The following SYT14 variants were observed in gnomAD, a reference collection of about 807,000 sequenced individuals.
SYT14 encodes the protein synaptotagmin-14.
SYT14 carries 32 observed loss-of-function variants against 74.2 expected under a neutral mutation model. The observed-to-expected ratio is 0.43, with a 90% CI of 0.33 to 0.58. The LOEUF (loss-of-function observed/expected upper bound fraction) is 0.58, where lower values mean the gene tolerates loss of function less well. Ranked by LOEUF, SYT14 falls within the 20% of genes least tolerant of loss-of-function variation. The pLI is 0.05. For synonymous variants in SYT14, 298 were observed against 337.7 expected (o/e 0.88, Z 1.29); for missense variants, 791 against 981.8 (o/e 0.81, Z 2.60).
intron 4 of SYT14, among the ~76,000 whole-genome samples, chr1:210,018,900 G>A (rs2080243153): frequency 6.6e-6 from 1 of 152,104 alleles, no homozygotes; most frequent in African/African-American, 2.4e-5. Flanking sequence ...CACTTTGGGA[G>A]GCCAAGGCGG....
At chr1:210,101,647 G>A (rs1035800219) in intron 7 of SYT14, among the ~76,000 whole-genome samples, 3 of 151,172 alleles carry the variant, frequency 2.0e-5, no homozygotes, top group Admixed American at 2.0e-4. Context: ...AGAAATAATA[G>A]CAGCTTAAAA....
Position 210,035,792 on chromosome 1 carries a change from T to G in SYT14, c.1312+14538T>G, listed in dbSNP as rs2080647810. Among the ~76,000 whole-genome samples the G allele has an allele frequency of 1.3e-5, 2 of 152,106 alleles. 1 individual carries two copies. The highest frequency in any genetic ancestry group is 4.1e-4 in the South Asian group (2 of 4,830). ...GTCTATTTTTGTACCAGTACCATGCTGTTTTGGTTATTATAGCCTTACAGT... is the reference window on the plus strand; with the variant it reads ...GTCTATTTTTGTACCAGTACCATGCGGTTTTGGTTATTATAGCCTTACAGT... On this transcript the variant is annotated intron_variant, in intron 5 of 9. Coordinates refer to ENST00000637265, the Ensembl canonical transcript of SYT14.
At chr1:210,025,849 A>G (rs1307486461) in intron 5 of SYT14, among the ~76,000 whole-genome samples, 4 of 152,218 alleles carry the variant, frequency 2.6e-5, no homozygotes, top group Non-Finnish European at 5.9e-5. Flanking sequence ...TCACACAGCA[A>G]GATAAAAACT....
At chr1:210,143,048 G>A (rs2082952266) in intron 7 of SYT14, among the ~76,000 whole-genome samples, 1 of 152,120 alleles carries the variant, frequency 6.6e-6, no homozygotes, top group East Asian at 1.9e-4. Flanking sequence ...GATTTGTCAA[G>A]TACTTTTTGC....
Position 209,982,230 on chromosome 1 carries a change from A to T in SYT14, c.-486+29474A>T, listed in dbSNP as rs137973468. 7.8e-3 allele frequency among the ~76,000 whole-genome samples: 1,191 copies of T among 152,162 alleles called. 21 individuals carry two copies. Among genetic ancestry groups the T allele is most frequent in the African/African-American group, 0.027 (1,137 of 41,508 alleles). On this transcript the variant is annotated intron_variant, in intron 2 of 9. Coordinates refer to ENST00000637265, the Ensembl canonical transcript of SYT14. ...GAGTGCAGTGGCGCCATCACAGCTC[A>T]CTGCACCCTTGATCTTTTGGTCTCA... is the stretch of plus-strand genomic sequence containing the variant.
At chr1:210,156,492 A>G (rs1359360970) in intron 8 of SYT14, among the ~76,000 whole-genome samples, 4 of 152,026 alleles carry the variant, frequency 2.6e-5, no homozygotes, top group Non-Finnish European at 5.9e-5. Context: ...CCTGGATGCT[A>G]AGAAGGGAAA....
intron 5 of SYT14, among the ~76,000 whole-genome samples, chr1:210,068,473 A>T (rs573706156): frequency 6.6e-6 from 1 of 151,816 alleles, no homozygotes; most frequent in South Asian, 2.1e-4. Context: ...ATTATACGAG[A>T]TTAAGAGTAT....
intron 5 of SYT14, among the ~76,000 whole-genome samples, chr1:210,037,535 T>C (rs1558146063): frequency 6.6e-6 from 1 of 151,540 alleles, no homozygotes; most frequent in African/African-American, 2.4e-5. Flanking sequence ...TTCTGTTTTT[T>C]TTTTTTTTAT....
intron 5 of SYT14, among the ~76,000 whole-genome samples, chr1:210,059,686 A>G (rs186112637): frequency 1.9e-4 from 29 of 152,166 alleles, no homozygotes; most frequent in Admixed American, 1.6e-3. Context: ...CTAGGGGTCC[A>G]TACTCTTCTC....
intron 5 of SYT14, among the ~76,000 whole-genome samples, chr1:210,056,990 G>A (rs765919106): frequency 3.6e-4 from 55 of 151,814 alleles, no homozygotes; most frequent in Non-Finnish European, 6.5e-4. Context: ...GATTACAGGC[G>A]CACACCACCA....
At chr1:210,005,029 G>A (rs912829708) in intron 2 of SYT14, among the ~76,000 whole-genome samples, 2 of 151,938 alleles carry the variant, frequency 1.3e-5, no homozygotes, top group African/African-American at 4.8e-5. Context: ...ACTGAACTAT[G>A]CCGGACTCAT....
intron 2 of SYT14, among the ~76,000 whole-genome samples, chr1:209,989,136 G>A (rs867182217): frequency 4.6e-5 from 7 of 152,084 alleles, no homozygotes; most frequent in African/African-American, 1.2e-4. Flanking sequence ...TGTTTCATAC[G>A]CTCTGTCTTG....
chr1:209,975,160 A>T (rs913675361), intron 2 of SYT14, among the ~76,000 whole-genome samples: 2 of 152,220 alleles, frequency 1.3e-5, no homozygotes, highest in Non-Finnish European at 1.5e-5. Flanking sequence ...ATATGCAAAC[A>T]GGGACAATTT....
chr1:210,093,984 A>G (rs1247627906), intron 5 of SYT14, among the ~76,000 whole-genome samples: 1 of 152,128 alleles, frequency 6.6e-6, no homozygotes, highest in Non-Finnish European at 1.5e-5. Flanking sequence ...ATCATGGGGT[A>G]ATAGATGAAG....
intron 5 of SYT14, among the ~76,000 whole-genome samples, chr1:210,063,697 T>A (rs1290230587): frequency 6.6e-6 from 1 of 151,936 alleles, no homozygotes; most frequent in Admixed American, 6.6e-5. Flanking sequence ...CAGATACTTC[T>A]CTTATGCCTT....
At chr1:209,958,200 G>A (rs1161291868) in intron 2 of SYT14, among the ~76,000 whole-genome samples, 1 of 152,034 alleles carries the variant, frequency 6.6e-6, no homozygotes, top group Admixed American at 6.6e-5. Context: ...TGCCACCTCT[G>A]CTACCTCTGT....
intron 1 of SYT14, among the ~76,000 whole-genome samples, chr1:209,944,152 G>A (rs1572046596): frequency 6.6e-6 from 1 of 152,254 alleles, no homozygotes; most frequent in Middle Eastern, 3.4e-3. Context: ...ATGCAGTAAT[G>A]CATATTAGTA....
chr1:209,983,831 T>C (rs552034368), intron 2 of SYT14, among the ~76,000 whole-genome samples: 15 of 152,370 alleles, frequency 9.8e-5, no homozygotes, highest in African/African-American at 3.6e-4. Flanking sequence ...TTGTGGTAAG[T>C]AGAAATGAGA....
intron 2 of SYT14, among the ~76,000 whole-genome samples, chr1:210,011,880 A>G (rs930669379): frequency 6.6e-6 from 1 of 152,200 alleles, no homozygotes; most frequent in Non-Finnish European, 1.5e-5. Flanking sequence ...CATGGAGGAT[A>G]CAAAAACTTA....
Sources: gnomAD v4.1 joint callset for allele counts (sites outside exome capture counted in the v4.1 genomes callset) on GRCh38, gnomAD v4.1.1 for gene constraint, MANE v1.5 for transcripts, NCBI Gene and HGNC (gene_info 2026-07-23, HGNC 2026-07-21) for gene names.